The following ZCWPW2 variants were observed in gnomAD, a reference collection of about 807,000 sequenced individuals.
ZCWPW2 encodes zinc finger CW-type PWWP domain protein 2.
In ZCWPW2, 45 loss-of-function variants were observed where a neutral mutation model predicts 46.6. The ratio of observed to expected loss-of-function variants is 0.96; its 90% confidence interval spans 0.76 to 1.24. The LOEUF (loss-of-function observed/expected upper bound fraction) is 1.24, where lower values mean the gene tolerates loss of function less well. ZCWPW2 is among the 50% of genes most tolerant of loss of function. ZCWPW2 has a pLI of 0.00. For missense variants in ZCWPW2, 429 were observed against 403.9 expected, an observed-to-expected ratio of 1.06 and a Z score of -0.53; for synonymous variants, 152 against 137.1, an observed-to-expected ratio of 1.11 and a Z score of -0.76.
chr3:28,437,255 C>T (rs1202027539), intron 4 of ZCWPW2, among the ~76,000 whole-genome samples: 1 of 152,150 alleles, frequency 6.6e-6, no homozygotes, highest in South Asian at 2.1e-4. Flanking sequence ...GTATAATTTT[C>T]ACTGGTTATT....
At position 28,469,712 on chromosome 3, in the gene ZCWPW2, G is replaced by GTA. The variant is rs753895665; in HGVS notation, c.493-9092_493-9091dup. 2.6e-3 allele frequency among the ~76,000 whole-genome samples: 391 copies of GTA among 150,988 alleles called. 1 individual carries two copies. Among genetic ancestry groups the GTA allele is most frequent in the African/African-American group, 8.5e-3 (349 of 41,148 alleles). On this transcript the variant is annotated intron_variant, in intron 4 of 9. Coordinates refer to ENST00000383768, the MANE Select transcript of ZCWPW2 (RefSeq NM_001040432.4). ...TATATATATATGCATGTATATGTGTGTATATATATATGATATATATATGTA... is the reference window on the plus strand; with the variant it reads ...TATATATATATGCATGTATATGTGTGTATATATATATATGATATATATATGTA...
At chr3:28,442,333 T>G (rs1697795392) in intron 4 of ZCWPW2, among the ~76,000 whole-genome samples, 1 of 152,202 alleles carries the variant, frequency 6.6e-6, no homozygotes, top group Non-Finnish European at 1.5e-5. Flanking sequence ...GAGGTAGAAG[T>G]TCCCTGAATT....
chr3:28,368,135 G>A (rs985101123), intron 1 of ZCWPW2, among the ~76,000 whole-genome samples: 1 of 152,074 alleles, frequency 6.6e-6, no homozygotes, highest in African/African-American at 2.4e-5. Context: ...GGAGCATTTA[G>A]TCCATTTACA....
At chr3:28,441,959 T>A (rs574164477) in intron 4 of ZCWPW2, among the ~76,000 whole-genome samples, 1 of 152,332 alleles carries the variant, frequency 6.6e-6, no homozygotes, top group Admixed American at 6.5e-5. Flanking sequence ...GTGATTTACC[T>A]ATTTGGGCCT....
chr3:28,397,864 G>A (rs768119900), intron 2 of ZCWPW2, among the ~76,000 whole-genome samples: 6 of 152,054 alleles, frequency 3.9e-5, no homozygotes, highest in Middle Eastern at 3.2e-3. Context: ...ACAGGCCTTG[G>A]TGTTCTCTTT....
At chr3:28,362,385 C>T (rs1318691398) in intron 1 of ZCWPW2, among the ~76,000 whole-genome samples, 3 of 151,844 alleles carry the variant, frequency 2.0e-5, no homozygotes, top group African/African-American at 7.3e-5. Flanking sequence ...AGTGTACAAA[C>T]AAAAAACAAG....
intron 2 of ZCWPW2, among the ~76,000 whole-genome samples, chr3:28,408,233 A>G (rs1347247248): frequency 1.3e-5 from 2 of 152,178 alleles, no homozygotes. Context: ...TTTAAAAGTA[A>G]TCTTTTAATC....
chr3:28,445,753 T>C (rs1697966627), intron 4 of ZCWPW2, among the ~76,000 whole-genome samples: 1 of 152,056 alleles, frequency 6.6e-6, no homozygotes, highest in South Asian at 2.1e-4. Flanking sequence ...GTAGAATGAA[T>C]AAAAAGACAC....
intron 4 of ZCWPW2, among the ~76,000 whole-genome samples, chr3:28,449,146 C>T (rs980964115): frequency 6.6e-6 from 1 of 152,122 alleles, no homozygotes; most frequent in Non-Finnish European, 1.5e-5. Flanking sequence ...AAAGGACAAT[C>T]TTATCACCAA....
chr3:28,426,459 G>C (rs73825159), intron 3 of ZCWPW2, among the ~76,000 whole-genome samples: 3,983 of 152,028 alleles, frequency 0.026, 153 homozygotes, highest in African/African-American at 0.085. Context: ...AAATATGTTT[G>C]CATTATATTG....
At chr3:28,509,159 G>T (rs1700359443) in intron 6 of ZCWPW2, among the ~76,000 whole-genome samples, 1 of 152,112 alleles carries the variant, frequency 6.6e-6, no homozygotes, top group Non-Finnish European at 1.5e-5. Context: ...ATTGTGGCAT[G>T]TGTCAGTACT....
At chr3:28,381,861 C>T (rs1444787555) in intron 1 of ZCWPW2, among the ~76,000 whole-genome samples, 1 of 152,050 alleles carries the variant, frequency 6.6e-6, no homozygotes, top group East Asian at 1.9e-4. Flanking sequence ...AACAGATTGG[C>T]TGGCTTAAAG....
chr3:28,355,419 A>G (rs74902887), intron 1 of ZCWPW2, among the ~76,000 whole-genome samples: 31,746 of 152,120 alleles, frequency 0.21, 3,721 homozygotes, highest in Admixed American at 0.28. Flanking sequence ...AAATGGCCAT[A>G]CTGCCCAAGG....
intron 5 of ZCWPW2, among the ~76,000 whole-genome samples, chr3:28,480,602 A>T (rs1699392974): frequency 6.6e-6 from 1 of 151,964 alleles, no homozygotes; most frequent in Admixed American, 6.6e-5. Flanking sequence ...ACATTTGTCA[A>T]TTTTTGCTGT....
At chr3:28,427,760 C>T (rs1394848908) in intron 3 of ZCWPW2, among the ~76,000 whole-genome samples, 1 of 152,122 alleles carries the variant, frequency 6.6e-6, no homozygotes. Context: ...AAATACTTCC[C>T]ACTTTTATGA....
intron 4 of ZCWPW2, among the ~76,000 whole-genome samples, chr3:28,460,433 G>T (rs182203367): frequency 1.2e-4 from 19 of 152,138 alleles, no homozygotes; most frequent in Admixed American, 8.5e-4. Context: ...AGCAATATTT[G>T]CTTCAAGTAT....
chr3:28,414,333 A>T (rs2125742452), intron 3 of ZCWPW2, among the ~76,000 whole-genome samples: 2 of 151,208 alleles, frequency 1.3e-5, no homozygotes, highest in East Asian at 3.9e-4. Context: ...CTCTTTTCAA[A>T]TCTTTTTCTC....
chr3:28,462,721 A>G (rs1698685582), intron 4 of ZCWPW2, among the ~76,000 whole-genome samples: 1 of 152,348 alleles, frequency 6.6e-6, no homozygotes, highest in Middle Eastern at 3.4e-3. Flanking sequence ...AATAGGAAAC[A>G]ACAGAAGACA....
At chr3:28,425,098 G>A (rs914927509) in intron 3 of ZCWPW2, among the ~76,000 whole-genome samples, 5 of 152,136 alleles carry the variant, frequency 3.3e-5, no homozygotes, top group African/African-American at 1.2e-4. Flanking sequence ...TTCTTTTGCA[G>A]TGTTGTGCTA....
Sources: allele counts gnomAD v4.1 joint callset (sites outside exome capture counted in the v4.1 genomes callset), GRCh38; gene constraint gnomAD v4.1.1; transcripts MANE v1.5; gene names NCBI Gene and HGNC (gene_info 2026-07-23, HGNC 2026-07-21).